The following TTYH2 variants were observed in gnomAD, a reference collection of about 807,000 sequenced individuals.
TTYH2 encodes protein tweety homolog 2.
A neutral mutation model predicts 68.3 loss-of-function variants in TTYH2; 49 were observed. The observed-to-expected ratio is 0.72, with a 90% CI of 0.57 to 0.91. The LOEUF (loss-of-function observed/expected upper bound fraction) is 0.91, where lower values mean the gene tolerates loss of function less well. TTYH2 is among the 40% of genes least tolerant of loss of function. The pLI, the probability that TTYH2 is intolerant of heterozygous loss-of-function variation, is 0.00. For synonymous variants in TTYH2, 272 were observed against 300.8 expected, an observed-to-expected ratio of 0.90 and a Z score of 0.99; for missense variants, 631 against 700.4, an observed-to-expected ratio of 0.90 and a Z score of 1.12.
chr17:74,256,813 T>TA (rs979507661), intron 13 of TTYH2: 1 of 152,234 alleles, frequency 6.6e-6, no homozygotes, highest in Non-Finnish European at 1.5e-5. Context: ...CACACCCAGC[T>TA]AATCTTTGCA....
chr17:74,231,323 T>A (rs900374750), intron 3 of TTYH2, among the ~76,000 whole-genome samples: 10 of 152,168 alleles, frequency 6.6e-5, no homozygotes. Context: ...CCCACTGCAT[T>A]TTTTGTTTTC....
At position 74,214,364 on chromosome 17, in the gene TTYH2, C is replaced by T. The variant is rs78885140; in HGVS notation, c.129+648C>T. Among the ~76,000 whole-genome samples the T allele has an allele frequency of 0.011, 1,747 of 152,226 alleles. 34 individuals carry two copies. The highest frequency in any genetic ancestry group is 0.04 in the African/African-American group (1,649 of 41,522). On this transcript the variant is annotated intron_variant, in intron 1 of 13. Coordinates refer to ENST00000269346, the MANE Select transcript of TTYH2 (RefSeq NM_032646.6). This position sits in a 1 kb window ranked among gnomAD's most constrained non-coding sequence, Gnocchi z 4.6. Reference sequence around the variant, plus strand: ...TCCAGGGAAGGAAGGTGGCCTCCGTCAGCCCATCTCACACTGTTGTCCTGA... The same window carrying T: ...TCCAGGGAAGGAAGGTGGCCTCCGTTAGCCCATCTCACACTGTTGTCCTGA...
rs762745709 is a variant in TTYH2 at position 74,213,604 on chromosome 17, T to C, written c.17T>C (p.Val6Ala). The C allele has an allele frequency of 2.5e-6, 4 of 1,607,686 alleles. No individual in the cohort carries two copies. The African/African-American group carries it at 4.0e-5, about 16-fold the overall frequency. Residue 6 changes from valine to alanine, a missense_variant, in exon 1 of 14, where the codon GTG becomes GCG. Val to Ala is a moderately conservative substitution (Grantham distance 64, BLOSUM62 0). Transcript: ENST00000269346. This position sits in a 1 kb window ranked among gnomAD's most constrained non-coding sequence, Gnocchi z 6.1. ...GGCCGAGCCATGCAGGCGGCGCGCG[T>C]GGACTACATCGCTCCCTGGTGGGTC... Reference protein sequence around the residue: MQAARVDYIAPWWVVW... With the variant: MQAARADYIAPWWVVW...
intron 3 of TTYH2, 115 bp downstream of exon 3, chr17:74,231,114 G>A: frequency 1.0e-6 from 1 of 965,538 alleles, no homozygotes; most frequent in Non-Finnish European, 1.6e-6. Flanking sequence ...GGGGCTGTGT[G>A]ACGCCTGAGG....
intron 10 of TTYH2, among the ~76,000 whole-genome samples, chr17:74,251,235 TGTGTGGG>T (rs1376172287): frequency 2.0e-5 from 3 of 150,330 alleles, no homozygotes; most frequent in African/African-American, 4.9e-5. Context: ...CCTGTATGTG[TGTGTGGG>T]GTGTGTGGTG....
At chr17:74,220,764 A>C (rs2050267868) in intron 1 of TTYH2, among the ~76,000 whole-genome samples, 1 of 150,908 alleles carries the variant, frequency 6.6e-6, no homozygotes, top group South Asian at 2.1e-4. Context: ...GCCCAGATCT[A>C]CTGGGCCCTG....
chr17:74,222,270 G>A lies in TTYH2; in HGVS notation c.130-215G>A, dbSNP rs1309717995. On this transcript the variant is annotated intron_variant, in intron 1 of 13. Coordinates refer to ENST00000269346, the MANE Select transcript of TTYH2 (RefSeq NM_032646.6). This position sits in a 1 kb window ranked among gnomAD's most constrained non-coding sequence, Gnocchi z 5.2. ...CACTGACCACGAGGCCCACCACTTGGCCTCATGCCCTGTAAGCTCCATCAC... is the reference window on the plus strand; with the variant it reads ...CACTGACCACGAGGCCCACCACTTGACCTCATGCCCTGTAAGCTCCATCAC... 6.6e-6 allele frequency among the ~76,000 whole-genome samples: 1 copy of A among 152,192 alleles called. No individual in the cohort carries two copies. The highest frequency in any genetic ancestry group is 2.4e-5 in the African/African-American group (1 of 41,458).
intron 4 of TTYH2, among the ~76,000 whole-genome samples, chr17:74,242,199 G>A (rs946997151): frequency 4.6e-5 from 7 of 152,096 alleles, no homozygotes; most frequent in Non-Finnish European, 7.4e-5. Flanking sequence ...GTCCAGCCCT[G>A]GGGACAAAAA....
At chr17:74,228,687 C>A (rs889088435) in intron 2 of TTYH2, among the ~76,000 whole-genome samples, 1 of 151,406 alleles carries the variant, frequency 6.6e-6, no homozygotes, top group Admixed American at 6.6e-5. Flanking sequence ...GTTTGTAGAC[C>A]ACAAGATCAG....
chr17:74,237,569 T>C, intron 4 of TTYH2, 55 bp downstream of exon 4: 2 of 1,497,736 alleles, frequency 1.3e-6, no homozygotes, highest in Non-Finnish European at 1.8e-6. Context: ...ATCAGCTTTG[T>C]TTATCCAAAC....
rs943178405 is a variant in TTYH2, at chr17:74,260,387, G to A, written c.*178G>A. ...CCAGGGGGTGCAGAAGACTCACCAC[G>A]CGGGCCAGCCTCTCTCTTTTGCCCT... On this transcript the variant is annotated 3_prime_UTR_variant, in exon 14 of 14. Transcript: ENST00000269346. 13 of 636,068 alleles carry A rather than the reference G, an allele frequency of 2.0e-5. No homozygotes were observed. Among genetic ancestry groups the A allele is most frequent in the Non-Finnish European group, 3.3e-5 (12 of 358,630 alleles). 39.4% of individuals were successfully genotyped at this position (636,068 alleles called of 1,614,324 possible).
intron 1 of TTYH2, among the ~76,000 whole-genome samples, chr17:74,221,649 A>G (rs1242905184): frequency 6.6e-6 from 1 of 152,174 alleles, no homozygotes; most frequent in African/African-American, 2.4e-5. Context: ...CAAGAGATGA[A>G]TGAGCAGAGA....
intron 3 of TTYH2, among the ~76,000 whole-genome samples, chr17:74,234,803 T>C (rs1213792652): frequency 6.6e-6 from 1 of 152,208 alleles, no homozygotes; most frequent in African/African-American, 2.4e-5. Context: ...TATAGAAATA[T>C]AGAAATATAG....
At chr17:74,231,090 C>G in intron 3 of TTYH2, 91 bp downstream of exon 3, 1 of 1,192,128 alleles carries the variant, frequency 8.4e-7, no homozygotes, top group Non-Finnish European at 1.2e-6. Context: ...CCAGCTAGCT[C>G]AGCTGCACAC....
chr17:74,228,124 C>T (rs568316833), intron 2 of TTYH2, among the ~76,000 whole-genome samples: 1 of 151,968 alleles, frequency 6.6e-6, no homozygotes, highest in East Asian at 1.9e-4. Context: ...GCTGGGATTA[C>T]AGGCATGCGC....
Position 74,230,992 on chromosome 17 carries a change from A to G in TTYH2, c.407A>G (p.Asp136Gly), listed in dbSNP as rs756230414. The G allele has an allele frequency of 6.2e-7, 1 of 1,613,762 alleles. No homozygotes were observed. Reference sequence around the variant, plus strand: ...GCCAACCACACCTTCTCTGGGATCGATGCTCTGGTAAGGCTCCCGGGCAGC... The same window carrying G: ...GCCAACCACACCTTCTCTGGGATCGGTGCTCTGGTAAGGCTCCCGGGCAGC... ...DDANHTFSGI[D>G]ALVSGTTQKM... The change falls in exon 3 of 14, where the codon GAT (aspartate) becomes GGT (glycine). Residue 136 changes from aspartate to glycine, a missense_variant. Transcript: ENST00000269346.
In TTYH2 at chr17:74,261,394, A is replaced by G. The variant is rs1164453577; in HGVS notation, c.*1185A>G. 6.6e-6 allele frequency: 1 copy of G among 152,284 alleles called. No individual in the cohort carries two copies. The highest frequency in any genetic ancestry group is 1.5e-5 in the Non-Finnish European group (1 of 68,080). The allele number at this position is 152,284 out of a possible 1,614,324, so 9.4% of individuals were successfully genotyped here. On this transcript the variant is annotated 3_prime_UTR_variant, in exon 14 of 14. Coordinates refer to ENST00000269346, the MANE Select transcript of TTYH2 (RefSeq NM_032646.6). ...TGTTGTCTCCAAGTAAGTTTGCCAG[A>G]AAAGGTTTTAGCAAAGTGCTACAAC...
Position 74,222,695 on chromosome 17 carries a change from T to G in TTYH2, c.302+38T>G. 3 of 1,577,110 alleles carry G rather than the reference T, an allele frequency of 1.9e-6. No individual in the cohort carries two copies. Among genetic ancestry groups the G allele is most frequent in the Non-Finnish European group, 2.6e-6 (3 of 1,162,804 alleles). On this transcript the variant is annotated intron_variant, in intron 2 of 13. Coordinates refer to ENST00000269346, the MANE Select transcript of TTYH2 (RefSeq NM_032646.6). This position sits in a 1 kb window ranked among gnomAD's most constrained non-coding sequence, Gnocchi z 5.2. Reference sequence around the variant, plus strand: ...GGACGCTGGGCTTGGGGTGTGTGACTCAGTCTGCAAGGGGCCAGGGACTGT... The same window carrying G: ...GGACGCTGGGCTTGGGGTGTGTGACGCAGTCTGCAAGGGGCCAGGGACTGT...
In TTYH2 at chr17:74,237,325, A is replaced by G; in HGVS notation, c.446A>G (p.Asp149Gly). ...VSGTTQKMKVDLEQHLARLSE... is the reference protein window; with the variant it reads ...VSGTTQKMKVGLEQHLARLSE... ...GGAACTACCCAGAAGATGAAGGTGG[A>G]CCTAGAGCAGCACCTGGCCCGGCTC... The change falls in exon 4 of 14, where the codon GAC becomes GGC. Residue 149 changes from aspartate (D) to glycine (G), a missense_variant. By Grantham distance (94) the Asp-to-Gly change is moderately conservative. Coordinates refer to ENST00000269346, the MANE Select transcript of TTYH2 (RefSeq NM_032646.6). 3.1e-6 allele frequency: 5 copies of G among 1,614,114 alleles called. No individual in the cohort carries two copies. Among genetic ancestry groups the G allele is most frequent in the Non-Finnish European group, 4.2e-6 (5 of 1,180,024 alleles).
Sources: gnomAD v4.1 joint callset for allele counts (sites outside exome capture counted in the v4.1 genomes callset) on GRCh38, gnomAD v4.1.1 for gene constraint, Gnocchi (gnomAD v3.1) non-coding constraint, MANE v1.5 for transcripts, NCBI Gene and HGNC (gene_info 2026-07-23, HGNC 2026-07-21) for gene names.